Variants in NELL2 observed in about 807,000 individuals in gnomAD.
NELL2 encodes the protein neural EGFL like 2.
NELL2 carries 41 observed loss-of-function variants against 109.6 expected under a neutral mutation model. The ratio of observed to expected loss-of-function variants is 0.37; its 90% CI spans 0.29 to 0.49. The LOEUF (loss-of-function observed/expected upper bound fraction) is 0.49, where lower values mean the gene tolerates loss of function less well. NELL2 is among the 20% of genes least tolerant of loss of function. The pLI is 0.98. For synonymous variants in NELL2, 355 were observed against 344.7 expected (o/e 1.03, Z -0.33); for missense variants, 900 against 1,008.3 (o/e 0.89, Z 1.45).
intron 12 of NELL2, among the ~76,000 whole-genome samples, chr12:44,676,697 T>C (rs1948331035): frequency 6.6e-6 from 1 of 152,108 alleles, no homozygotes; most frequent in South Asian, 2.1e-4. Context: ...GAATATATTA[T>C]TCTTAGCTTT....
At chr12:44,726,841 T>C (rs1001506810) in intron 9 of NELL2, among the ~76,000 whole-genome samples, 1 of 152,156 alleles carries the variant, frequency 6.6e-6, no homozygotes, top group Non-Finnish European at 1.5e-5. Context: ...TATATATTAG[T>C]ATGTATTTAT....
At chr12:44,899,445 T>C (rs902118871) in intron 1 of NELL2, among the ~76,000 whole-genome samples, 3 of 151,792 alleles carry the variant, frequency 2.0e-5, no homozygotes, top group Non-Finnish European at 2.9e-5. Flanking sequence ...CAGAAGAGAG[T>C]GGGGGCCAAT....
rs577201360 is a variant in NELL2, at chr12:44,674,256, A to T, written c.1319-8647T>A. On this transcript the variant is annotated intron_variant, in intron 12 of 19. Transcript: ENST00000429094. ...ACCAACTTGAGAAGCTGATAGCGAA[A>T]TTAAAAATCCAAGATATATTTACAT... is the stretch of plus-strand genomic sequence containing the variant. Among the ~76,000 whole-genome samples the T allele has an allele frequency of 5.1e-4, 77 of 152,278 alleles. 1 individual carries two copies. The South Asian group carries it at 0.015, about 30-fold the overall frequency.
At position 44,513,228 on chromosome 12, in the gene NELL2, C is replaced by T. The variant is rs533968355; in HGVS notation, c.2401-4244G>A. 3.3e-5 allele frequency among the ~76,000 whole-genome samples: 5 copies of T among 152,004 alleles called. No individual in the cohort carries two copies. The South Asian group carries it at 8.3e-4, about 25-fold the overall frequency. On this transcript the variant is annotated intron_variant, in intron 19 of 19. Transcript: ENST00000429094. ...ACTAAAGGTAAATTTGAAACAGACC[C>T]CCCCTAACTGGTGTAAAGCCAACCT...
intron 2 of NELL2, among the ~76,000 whole-genome samples, chr12:44,833,662 G>A (rs1273462332): frequency 1.3e-5 from 2 of 152,158 alleles, no homozygotes; most frequent in African/African-American, 4.8e-5. Context: ...ATCTTGCTGT[G>A]TAAGAATAAG....
intron 13 of NELL2, among the ~76,000 whole-genome samples, chr12:44,630,073 T>C (rs1405056749): frequency 6.6e-6 from 1 of 152,206 alleles, no homozygotes; most frequent in Admixed American, 6.5e-5. Context: ...ATATTTTGCA[T>C]ATTTAACATT....
In NELL2 at chr12:44,722,740, A is replaced by G. The variant is rs1938848579; in HGVS notation, c.995-7999T>C. ...AAAATAGAGTAATAATCACAATAAT[A>G]TACTTTGTCCCAGGATTCCAATGAA... On this transcript the variant is annotated intron_variant, in intron 9 of 19. Transcript: ENST00000429094. Among the ~76,000 whole-genome samples, 3 of 152,170 alleles carry G rather than the reference A, an allele frequency of 2.0e-5. No homozygotes were observed. The South Asian group carries it at 6.2e-4, about 32-fold the overall frequency.
At chr12:44,904,684 C>A (rs1377353130) in intron 1 of NELL2, among the ~76,000 whole-genome samples, 7 of 152,072 alleles carry the variant, frequency 4.6e-5, no homozygotes, top group African/African-American at 1.7e-4. Context: ...TTAGCCCACC[C>A]TAACTAATAT....
chr12:44,604,400 T>G (rs1261035560), intron 15 of NELL2, among the ~76,000 whole-genome samples: 3 of 152,142 alleles, frequency 2.0e-5, no homozygotes, highest in Non-Finnish European at 1.5e-5. Context: ...CTGTGCCATA[T>G]CTGCCATATG....
intron 13 of NELL2, among the ~76,000 whole-genome samples, chr12:44,643,034 G>A (rs761994286): frequency 5.9e-5 from 9 of 152,076 alleles, no homozygotes; most frequent in African/African-American, 2.2e-4. Context: ...ATACAAACAC[G>A]GATTCAGAGA....
intron 15 of NELL2, among the ~76,000 whole-genome samples, chr12:44,547,346 A>T (rs753919048): frequency 1.3e-5 from 2 of 152,226 alleles, no homozygotes; most frequent in Non-Finnish European, 2.9e-5. Flanking sequence ...GCACGTGCAT[A>T]AAATGGAATG....
intron 13 of NELL2, among the ~76,000 whole-genome samples, chr12:44,637,190 A>T (rs1946670839): frequency 6.6e-6 from 1 of 151,436 alleles, no homozygotes; most frequent in Non-Finnish European, 1.5e-5. Flanking sequence ...TGATCTTTTC[A>T]AGAAAACGCT....
At chr12:44,513,935 C>A (rs1206624536) in intron 19 of NELL2, among the ~76,000 whole-genome samples, 5 of 144,694 alleles carry the variant, frequency 3.5e-5, no homozygotes, top group Non-Finnish European at 7.5e-5. Flanking sequence ...CCAGCAAACA[C>A]CAAAGAAAAT....
At chr12:44,716,425 T>C (rs950749857) in intron 9 of NELL2, among the ~76,000 whole-genome samples, 1 of 152,164 alleles carries the variant, frequency 6.6e-6, no homozygotes, top group Non-Finnish European at 1.5e-5. Flanking sequence ...ATATGCTCAC[T>C]CGTGAATATT....
At chr12:44,584,271 C>T (rs10785507) in intron 15 of NELL2, among the ~76,000 whole-genome samples, 34,681 of 152,158 alleles carry the variant, frequency 0.23, 4,121 homozygotes, top group South Asian at 0.34. Context: ...ACACTGTAAA[C>T]CCAGCAGCTA....
At chr12:44,682,830 T>C (rs1432771928) in intron 12 of NELL2, among the ~76,000 whole-genome samples, 3 of 152,262 alleles carry the variant, frequency 2.0e-5, no homozygotes, top group Non-Finnish European at 4.4e-5. Flanking sequence ...AGCCTTGTAG[T>C]ATAGTTGGAA....
chr12:44,668,202 C>A (rs1948003336), intron 12 of NELL2, among the ~76,000 whole-genome samples: 1 of 152,154 alleles, frequency 6.6e-6, no homozygotes, highest in Admixed American at 6.5e-5. Flanking sequence ...GTCCTACACA[C>A]TGGGGAATAG....
chr12:44,766,103 A>G (rs552514657), intron 9 of NELL2, among the ~76,000 whole-genome samples: 1 of 151,262 alleles, frequency 6.6e-6, no homozygotes, highest in East Asian at 1.9e-4. Context: ...AAAAAAAAAG[A>G]AAGAAATGCA....
At chr12:44,549,783 T>C (rs1183622637) in intron 15 of NELL2, among the ~76,000 whole-genome samples, 3 of 152,150 alleles carry the variant, frequency 2.0e-5, no homozygotes, top group Non-Finnish European at 4.4e-5. Flanking sequence ...AGTTCATGGA[T>C]TGGAAGGCTT....
Sources: allele counts gnomAD v4.1 joint callset (sites outside exome capture counted in the v4.1 genomes callset), GRCh38; gene constraint gnomAD v4.1.1; transcripts MANE v1.5; gene names NCBI Gene and HGNC (gene_info 2026-07-23, HGNC 2026-07-21).